Variants in TMEM145 observed in about 807,000 individuals in gnomAD.
TMEM145 encodes transmembrane protein 145.
A neutral mutation model predicts 68.5 loss-of-function variants in TMEM145; 46 were observed. The observed-to-expected ratio is 0.67, with a 90% confidence interval of 0.53 to 0.86. The LOEUF (loss-of-function observed/expected upper bound fraction) is 0.86. TMEM145 is among the 40% of genes least tolerant of loss of function. The pLI, the probability that TMEM145 is intolerant of heterozygous loss-of-function variation, is 0.00. For synonymous variants in TMEM145, 255 were observed against 280.2 expected (o/e 0.91, Z 0.90); for missense variants, 570 against 645.8 (o/e 0.88, Z 1.27).
Position 42,317,767 on chromosome 19 carries a change from T to C in TMEM145, c.959T>C (p.Ile320Thr), listed in dbSNP as rs1394885466. The C allele has an allele frequency of 1.2e-5, 20 of 1,614,018 alleles. No homozygotes were observed. Among genetic ancestry groups the C allele is most frequent in the East Asian group, 8.9e-5 (4 of 44,888 alleles). The change falls in exon 12 of 15, where the codon ATT becomes ACT. Residue 320 changes from isoleucine to threonine, a missense_variant. Transcript: ENST00000301204. ...GAGTCGCCGGCCGGCTACGGGCTCA[T>C]TGGACTGCAGGTGGCGGCCTACGTG... ...TYESPAGYGL[I>T]GLQVAAYVWF...
chr19:42,316,378 A>G (rs1206009), intron 8 of TMEM145, 103 bp from the exon 9 acceptor site: 77,689 of 1,115,072 alleles, frequency 0.07, 3,668 homozygotes, highest in Middle Eastern at 0.18. Flanking sequence ...CTGGAGTCCT[A>G]AGGGAGGAGG....
chr19:42,320,409 T>C lies in TMEM145; in HGVS notation c.1166T>C (p.Ile389Thr). 1.9e-6 allele frequency: 3 copies of C among 1,614,070 alleles called. No homozygotes were observed. Among genetic ancestry groups the C allele is most frequent in the Non-Finnish European group, 2.5e-6 (3 of 1,180,028 alleles). Reference sequence around the variant, plus strand: ...ATTGTCAATGGCATCCAGCTGGGGATCCACTTGTACGCCCATGGCGTGTTT... The same window carrying C: ...ATTGTCAATGGCATCCAGCTGGGGACCCACTTGTACGCCCATGGCGTGTTT... ...EKIVNGIQLG[I>T]HLYAHGVFLI... Residue 389 changes from isoleucine to threonine, a missense_variant, in exon 13 of 15, where the codon ATC becomes ACC. Physicochemically the swap from Ile to Thr is moderately conservative, Grantham distance 89. Coordinates refer to ENST00000301204, the MANE Select transcript of TMEM145 (RefSeq NM_173633.3).
At chr19:42,315,286 G>A in intron 7 of TMEM145, 27 bp downstream of exon 7, 1 of 1,612,962 alleles carries the variant, frequency 6.2e-7, no homozygotes, top group Non-Finnish European at 8.5e-7. Flanking sequence ...GGGTGTGGGG[G>A]AAGAGATAGG....
rs756603584 is a variant in TMEM145, at chr19:42,315,096, A to G, written c.505+19A>G. ...GAGTTTGGTGAGCACGTGGGGACCT[A>G]GAAACCAGGCTCTCTGTGGGACACC... On this transcript the variant is annotated intron_variant, in intron 6 of 14. Transcript: ENST00000301204. The G allele has an allele frequency of 4.3e-6, 7 of 1,614,206 alleles. No homozygotes were observed. Among genetic ancestry groups the G allele is most frequent in the Non-Finnish European group, 5.9e-6 (7 of 1,180,030 alleles).
At chr19:42,320,276 A>G (rs2038898543) in intron 12 of TMEM145, 41 bp from the exon 13 acceptor site, 1 of 1,610,608 alleles carries the variant, frequency 6.2e-7, no homozygotes, top group African/African-American at 1.3e-5. Flanking sequence ...GGGGTGGAGG[A>G]CAGGAGCAGT....
At chr19:42,318,509 A>C (rs534436241) in intron 12 of TMEM145, among the ~76,000 whole-genome samples, 1 of 151,620 alleles carries the variant, frequency 6.6e-6, no homozygotes, top group East Asian at 1.9e-4. Context: ...AACATGGTGA[A>C]ACCCCATCTC....
chr19:42,324,454 G>C (rs2038949078), intron 14 of TMEM145: 1 of 985,274 alleles, frequency 1.0e-6, no homozygotes, highest in Admixed American at 6.1e-5. Flanking sequence ...TGCCCCAGAC[G>C]GCAGCGCCGC....
In TMEM145 at chr19:42,315,425, G is replaced by T. The variant is rs1368565074; in HGVS notation, c.631G>T (p.Ala211Ser). 1 of 1,614,022 alleles carries T rather than the reference G, an allele frequency of 6.2e-7. No individual in the cohort carries two copies. Among genetic ancestry groups the T allele is most frequent in the African/African-American group, 1.3e-5 (1 of 74,896 alleles). The change falls in exon 8 of 15, where the codon GCA becomes TCA. Residue 211 changes from alanine to serine, a missense_variant. Coordinates refer to ENST00000301204, the MANE Select transcript of TMEM145 (RefSeq NM_173633.3). Reference sequence around the variant, plus strand: ...CACAACTTATAAAATGTTCATGGCCGCAGCAGGAGTAGAGGGTGAGGTTCC... The same window carrying T: ...CACAACTTATAAAATGTTCATGGCCTCAGCAGGAGTAGAGGGTGAGGTTCC... ...LHTTYKMFMA[A>S]AGVEVLSLLF... is the part of the protein sequence containing the mutation.
chr19:42,315,238 T>G lies in TMEM145; in HGVS notation c.556T>G (p.Phe186Val). The G allele has an allele frequency of 1.2e-6, 2 of 1,607,806 alleles. No individual in the cohort carries two copies. Among genetic ancestry groups the G allele is most frequent in the East Asian group, 2.2e-5 (1 of 44,776 alleles). The change falls in exon 7 of 15, where the codon TTC becomes GTC. Residue 186 changes from phenylalanine (F) to valine (V), a missense_variant. By Grantham distance (50) the Phe-to-Val change is conservative. Transcript: ENST00000301204. ...TFLLIFILIF[F>V]LSCYFGYLLK... ...CCTCCTCATCTTCATCCTCATCTTC[T>G]TCCTCTCTTGTTACTTTGGATGTGA...
At chr19:42,317,063 G>A in intron 11 of TMEM145, 100 bp downstream of exon 11, 4 of 989,858 alleles carry the variant, frequency 4.0e-6, no homozygotes, top group South Asian at 1.4e-5. Flanking sequence ...TCCTGCTCCT[G>A]CTGGCTCGCT....
In TMEM145 at chr19:42,323,639, G is replaced by T. The variant is rs2038932353; in HGVS notation, c.1251G>T (p.Ser417=). Residue 417 remains serine (S), a synonymous_variant, in exon 14 of 15, where the codon TCG becomes TCT. Coordinates refer to ENST00000301204, the MANE Select transcript of TMEM145 (RefSeq NM_173633.3). ...ACTTCCCGTACCACGTGCGCACGTC[G>T]CAGATCGCTTCAGCCGGAGTCCCTG... ...NKNFPYHVRT[S]QIASAGVPGP... The T allele has an allele frequency of 6.2e-7, 1 of 1,614,040 alleles. No homozygotes were observed. The highest frequency in any genetic ancestry group is 1.3e-5 in the African/African-American group (1 of 74,916).
chr19:42,317,668 G>T (rs776602908), intron 11 of TMEM145, 41 bp from the exon 12 acceptor site: 6 of 1,609,924 alleles, frequency 3.7e-6, no homozygotes, highest in African/African-American at 2.7e-5. Flanking sequence ...TAATAGAGGG[G>T]AGGAGGCCAG....
In TMEM145 at chr19:42,314,990, C is replaced by T. The variant is rs1284761750; in HGVS notation, c.421-3C>T. 5.6e-6 allele frequency: 9 copies of T among 1,614,154 alleles called. No individual in the cohort carries two copies. The highest frequency in any genetic ancestry group is 5.9e-6 in the Non-Finnish European group (7 of 1,180,006). ...CCCCCTTAGGCCTCCCTACCCCCCA[C>T]AGGGTGATGGATTGCAGCTGGAGTA... On this transcript the variant is annotated splice_region_variant and splice_polypyrimidine_tract_variant and intron_variant, in intron 5 of 14. Transcript: ENST00000301204.
At chr19:42,320,027 G>A (rs779088239) in intron 12 of TMEM145, among the ~76,000 whole-genome samples, 1 of 152,190 alleles carries the variant, frequency 6.6e-6, no homozygotes, top group Non-Finnish European at 1.5e-5. Flanking sequence ...CCAAAGTGCT[G>A]GGATTATAGG....
Position 42,316,703 on chromosome 19 carries a change from A to T in TMEM145, c.769A>T (p.Met257Leu), listed in dbSNP as rs756299989. ...CTCCAGCTTCCTCATCTTCCTGCTG[A>T]TGCTTATCCTCCTGGGGAAGGGATT... is the stretch of plus-strand genomic sequence containing the variant. Reference protein sequence around the residue: ...FSSSFLIFLLMLILLGKGFTV... With the variant: ...FSSSFLIFLLLLILLGKGFTV... The change falls in exon 10 of 15, where the codon ATG (methionine) becomes TTG (leucine). Residue 257 changes from methionine (M) to leucine (L), a missense_variant. Met to Leu is a conservative substitution (Grantham distance 15). Coordinates refer to ENST00000301204, the MANE Select transcript of TMEM145 (RefSeq NM_173633.3). The T allele has an allele frequency of 1.3e-6, 2 of 1,563,338 alleles. No homozygotes were observed. The highest frequency in any genetic ancestry group is 2.8e-5 in the African/African-American group (2 of 72,400).
At position 42,317,706 on chromosome 19, in the gene TMEM145, T is replaced by C. The variant is rs76256309; in HGVS notation, c.901-3T>C. 5.9e-3 allele frequency: 9,595 copies of C among 1,614,076 alleles called. 439 individuals are homozygous for C. The African/African-American group carries it at 0.11, about 18-fold the overall frequency. Reference sequence around the variant, plus strand: ...TGTGATGGACCCTCTCCTGCGGGTCTAGTTCTTTGACCCAGGCCAGGTACT... The same window carrying C: ...TGTGATGGACCCTCTCCTGCGGGTCCAGTTCTTTGACCCAGGCCAGGTACT... On this transcript the variant is annotated splice_polypyrimidine_tract_variant and splice_region_variant and intron_variant, in intron 11 of 14. Transcript: ENST00000301204.
At chr19:42,320,976 C>T (rs1415538641) in intron 13 of TMEM145, 2 of 399,068 alleles carry the variant, frequency 5.0e-6, no homozygotes, top group Non-Finnish European at 8.8e-6. Flanking sequence ...GTCCTGGCTT[C>T]TTTCCTCAAC....
In TMEM145 at chr19:42,313,684, C is replaced by T. The variant is rs780802092; in HGVS notation, c.120+188C>T. On this transcript the variant is annotated intron_variant, in intron 1 of 14. Transcript: ENST00000301204. This position sits in a 1 kb window ranked among gnomAD's most constrained non-coding sequence, Gnocchi z 5.1. ...GCTAAGGGGAGCCGTAGGGTCGCGG[C>T]CAGACCTGGGGGTTGTAGGAGGGAC... Among the ~76,000 whole-genome samples the T allele has an allele frequency of 6.6e-4, 101 of 151,994 alleles. No individual in the cohort carries two copies. The highest frequency in any genetic ancestry group is 1.2e-3 in the Non-Finnish European group (79 of 67,968).
rs567292030 is a variant in TMEM145 at position 42,314,879 on chromosome 19, C to A, written c.420+28C>A. The A allele has an allele frequency of 3.7e-6, 6 of 1,614,178 alleles. No homozygotes were observed. The East Asian group carries it at 1.1e-4, about 30-fold the overall frequency. ...GCGTGAACGGTGGTGGTATATTGCG[C>A]TCAGCAAGTGTGGGGTAAGGGGCTG... On this transcript the variant is annotated intron_variant, in intron 5 of 14. Coordinates refer to ENST00000301204, the MANE Select transcript of TMEM145 (RefSeq NM_173633.3).
Sources: gnomAD v4.1 joint callset for allele counts (sites outside exome capture counted in the v4.1 genomes callset) on GRCh38, gnomAD v4.1.1 for gene constraint, Gnocchi (gnomAD v3.1) non-coding constraint, MANE v1.5 for transcripts, NCBI Gene and HGNC (gene_info 2026-07-23, HGNC 2026-07-21) for gene names.